Variants in PCDH15 observed in about 807,000 individuals in gnomAD.
PCDH15 encodes the protein protocadherin-15.
A neutral mutation model predicts 178.5 loss-of-function variants in PCDH15; 129 were observed. The ratio of observed to expected loss-of-function variants is 0.72; its 90% CI spans 0.63 to 0.84. PCDH15 has a LOEUF of 0.84. Ranked by LOEUF, PCDH15 falls within the 40% of genes least tolerant of loss-of-function variation. The pLI is 0.00. For synonymous variants in PCDH15, 800 were observed against 732.0 expected (o/e 1.09, Z -1.50); for missense variants, 2,230 against 2,099.9 (o/e 1.06, Z -1.21).
At chr10:54,931,068 C>A (rs753274580) in intron 2 of PCDH15, among the ~76,000 whole-genome samples, 31 of 152,080 alleles carry the variant, frequency 2.0e-4, no homozygotes, top group Non-Finnish European at 3.7e-4. Context: ...TCAAACTATA[C>A]TTTAGGACCA....
chr10:55,323,692 G>T (rs1416274366), upstream of PCDH15, among the ~76,000 whole-genome samples: 1 of 152,096 alleles, frequency 6.6e-6, no homozygotes, highest in African/African-American at 2.4e-5. Flanking sequence ...TTGTATCTAG[G>T]AAGTAACTAA....
At chr10:54,537,102 C>T (rs768227920) in intron 2 of PCDH15, among the ~76,000 whole-genome samples, 1 of 150,120 alleles carries the variant, frequency 6.7e-6, no homozygotes. Flanking sequence ...AGGTTCACGC[C>T]AGTCTTCTGC....
At chr10:54,775,712 C>T (rs1412640436) in intron 1 of PCDH15, among the ~76,000 whole-genome samples, 3 of 152,034 alleles carry the variant, frequency 2.0e-5, no homozygotes, top group Non-Finnish European at 2.9e-5. Context: ...GAGGAAACCC[C>T]GTCTCTACTA....
chr10:53,940,422 A>C (rs1259152989), intron 24 of PCDH15, among the ~76,000 whole-genome samples: 2 of 152,112 alleles, frequency 1.3e-5, no homozygotes, highest in East Asian at 1.9e-4. Context: ...TTTAAAATTC[A>C]CAACTTATTT....
At chr10:55,540,283 T>C (rs1056865279) in intron 2 of PCDH15, among the ~76,000 whole-genome samples, 3 of 152,088 alleles carry the variant, frequency 2.0e-5, no homozygotes, top group Non-Finnish European at 4.4e-5. Flanking sequence ...CATCAAAAGA[T>C]TTAAGAAGAA....
intron 5 of PCDH15, among the ~76,000 whole-genome samples, chr10:54,357,123 C>T (rs1945143896): frequency 6.6e-6 from 1 of 152,060 alleles, no homozygotes; most frequent in African/African-American, 2.4e-5. Context: ...CCCTCTCTCA[C>T]CACTCCTATT....
chr10:54,244,431 A>C (rs573418422), intron 8 of PCDH15, among the ~76,000 whole-genome samples: 1 of 152,296 alleles, frequency 6.6e-6, no homozygotes, highest in South Asian at 2.1e-4. Context: ...GTAACCCGGT[A>C]ATTATTTTCC....
intron 3 of PCDH15, among the ~76,000 whole-genome samples, chr10:54,860,325 G>GT (rs1404622365): frequency 1.3e-5 from 2 of 151,994 alleles, no homozygotes; most frequent in Non-Finnish European, 1.5e-5. Context: ...GTTGTCCCCA[G>GT]TGTCTATTGT....
chr10:54,811,997 A>C (rs1220811177), intron 3 of PCDH15, among the ~76,000 whole-genome samples: 4 of 152,172 alleles, frequency 2.6e-5, no homozygotes, highest in Non-Finnish European at 5.9e-5. Context: ...AATTTCTAAG[A>C]AATCTTAACT....
intron 20 of PCDH15, among the ~76,000 whole-genome samples, chr10:54,009,225 C>A (rs2092488387): frequency 6.6e-6 from 1 of 151,816 alleles, no homozygotes; most frequent in Non-Finnish European, 1.5e-5. Context: ...GTTTTAATTT[C>A]CTGAAATAGA....
At position 55,481,491 on chromosome 10, in the gene PCDH15, T is replaced by G. The variant is rs569742878; in HGVS notation, c.-156+146134A>C. ...TTTTTAGTGCTATAAATTTCCCTCT[T>G]AACAATATCTTAACTGTGTCCCAGA... On this transcript the variant is annotated intron_variant, in intron 2 of 5. Transcript: ENST00000613346. Among the ~76,000 whole-genome samples the G allele has an allele frequency of 5.3e-5, 8 of 151,732 alleles. No homozygotes were observed. In the South Asian group the frequency reaches 1.5e-3, roughly 28 times the overall value.
chr10:55,003,400 T>C (rs896767794), intron 2 of PCDH15, among the ~76,000 whole-genome samples: 1 of 151,538 alleles, frequency 6.6e-6, no homozygotes, highest in Non-Finnish European at 1.5e-5. Flanking sequence ...GTTGATTGCA[T>C]AGAATGAACT....
intron 16 of PCDH15, among the ~76,000 whole-genome samples, chr10:54,080,533 A>C (rs1239456619): frequency 6.6e-6 from 1 of 152,156 alleles, no homozygotes; most frequent in Admixed American, 6.5e-5. Context: ...CTAATGGATA[A>C]AATGCTTTCA....
intron 2 of PCDH15, 53 bp downstream of exon 2, chr10:54,664,119 G>A (rs1590917770): frequency 7.7e-7 from 1 of 1,295,754 alleles, no homozygotes; most frequent in Non-Finnish European, 1.1e-6. Context: ...TATTTTCAAT[G>A]TAATAATAAA....
At chr10:54,669,283 G>A (rs112252858) in intron 1 of PCDH15, among the ~76,000 whole-genome samples, 27 of 151,636 alleles carry the variant, frequency 1.8e-4, no homozygotes, top group African/African-American at 6.3e-4. Context: ...AAATTTCAGA[G>A]AGCCTTTCAG....
intron 25 of PCDH15, among the ~76,000 whole-genome samples, chr10:53,936,076 A>T (rs944984688): frequency 4.6e-5 from 7 of 152,174 alleles, no homozygotes; most frequent in Non-Finnish European, 8.8e-5. Context: ...AAGCAGAAAG[A>T]ATATGAAATG....
intron 1 of PCDH15, among the ~76,000 whole-genome samples, chr10:55,181,334 G>A (rs1429047746): frequency 1.3e-5 from 2 of 151,792 alleles, no homozygotes; most frequent in Non-Finnish European, 2.9e-5. Flanking sequence ...TAAACAAATG[G>A]GTTACCAAAG....
chr10:54,259,837 C>G (rs2384425), intron 8 of PCDH15, among the ~76,000 whole-genome samples: 104,256 of 152,008 alleles, frequency 0.69, 36,721 homozygotes, highest in Middle Eastern at 0.76. Flanking sequence ...TATGAATATA[C>G]TAAGACTTAG....
chr10:53,865,787 G>T (rs960443513), intron 27 of PCDH15, among the ~76,000 whole-genome samples: 19 of 152,066 alleles, frequency 1.2e-4, no homozygotes, highest in African/African-American at 4.1e-4. Flanking sequence ...GGTTACGCTT[G>T]TCCAGGGAAC....
Sources: allele counts gnomAD v4.1 joint callset (sites outside exome capture counted in the v4.1 genomes callset), GRCh38; gene constraint gnomAD v4.1.1; transcripts MANE v1.5; gene names NCBI Gene and HGNC (gene_info 2026-07-23, HGNC 2026-07-21).